Variants in ESRRG observed in about 807,000 individuals in gnomAD.
ESRRG encodes estrogen-related receptor gamma.
In ESRRG, 13 loss-of-function variants were observed where a neutral mutation model predicts 44.0. The ratio of observed to expected loss-of-function variants is 0.30; its 90% CI spans 0.19 to 0.47. The LOEUF is 0.47. ESRRG is among the 20% of genes least tolerant of loss of function. The pLI is 1.00. For synonymous variants in ESRRG, 215 were observed against 214.6 expected (o/e 1.00, Z -0.02); for missense variants, 395 against 580.6 (o/e 0.68, Z 3.29).
intron 1 of ESRRG, among the ~76,000 whole-genome samples, chr1:216,988,685 G>T (rs1478914553): frequency 2.6e-5 from 4 of 152,088 alleles, no homozygotes; most frequent in African/African-American, 9.7e-5. Context: ...ATATTTCCCT[G>T]GCTTAGATTC....
chr1:216,586,588 T>C (rs1476719234), intron 3 of ESRRG, among the ~76,000 whole-genome samples: 1 of 149,974 alleles, frequency 6.7e-6, no homozygotes, highest in Admixed American at 6.7e-5. Context: ...GGGCTTTTTT[T>C]TTTTTTTTTT....
intron 2 of ESRRG, among the ~76,000 whole-genome samples, chr1:216,934,784 T>C (rs1056770838): frequency 6.6e-6 from 1 of 152,160 alleles, no homozygotes; most frequent in Non-Finnish European, 1.5e-5. Context: ...ACCATATCCA[T>C]TGTTTTTTAA....
chr1:216,973,608 C>T (rs2072196305), intron 1 of ESRRG, among the ~76,000 whole-genome samples: 1 of 151,994 alleles, frequency 6.6e-6, no homozygotes, highest in African/African-American at 2.4e-5. Context: ...GGGTGGATCA[C>T]CTGAGGTCGG....
chr1:217,097,598 T>C (rs950906073), intron 1 of ESRRG, among the ~76,000 whole-genome samples: 48 of 152,314 alleles, frequency 3.2e-4, no homozygotes, highest in African/African-American at 1.2e-3. Context: ...CTCTCATTGA[T>C]TGTGTATTTC....
chr1:216,764,626 T>A (rs2092981185), intron 2 of ESRRG, among the ~76,000 whole-genome samples: 1 of 152,014 alleles, frequency 6.6e-6, no homozygotes, highest in African/African-American at 2.4e-5. Context: ...GCCTGACAAG[T>A]AGATGGGACT....
chr1:216,895,977 A>G (rs1403913714), intron 2 of ESRRG, among the ~76,000 whole-genome samples: 2 of 152,202 alleles, frequency 1.3e-5, no homozygotes, highest in Non-Finnish European at 2.9e-5. Context: ...GTAAAATATC[A>G]GGTTTCTCCT....
chr1:217,101,226 C>G (rs538046357), intron 1 of ESRRG, among the ~76,000 whole-genome samples: 9 of 152,290 alleles, frequency 5.9e-5, no homozygotes, highest in African/African-American at 2.2e-4. Context: ...CAGTCAAACC[C>G]TTCCTGACCA....
chr1:216,571,083 T>G (rs1333983354), intron 3 of ESRRG, among the ~76,000 whole-genome samples: 4 of 152,182 alleles, frequency 2.6e-5, no homozygotes, highest in African/African-American at 9.7e-5. Flanking sequence ...CATCAAGTAG[T>G]TTAGCCAACT....
At chr1:217,082,791 T>G (rs1000025208) in intron 1 of ESRRG, among the ~76,000 whole-genome samples, 1 of 152,194 alleles carries the variant, frequency 6.6e-6, no homozygotes, top group African/African-American at 2.4e-5. Flanking sequence ...ACTCCCCCTG[T>G]TCAATGAATT....
chr1:216,773,144 GA>G (rs2093450385), intron 2 of ESRRG, among the ~76,000 whole-genome samples: 1 of 151,946 alleles, frequency 6.6e-6, no homozygotes, highest in African/African-American at 2.4e-5. Flanking sequence ...TCAAGTAAAG[GA>G]AAAAACTGAA....
intron 1 of ESRRG, among the ~76,000 whole-genome samples, chr1:216,679,964 G>GC (rs757821641): frequency 1.1e-4 from 16 of 152,064 alleles, no homozygotes; most frequent in Non-Finnish European, 1.8e-4. Flanking sequence ...CCATAACTTG[G>GC]CAATAGGCTG....
intron 3 of ESRRG, among the ~76,000 whole-genome samples, chr1:216,589,271 A>G (rs1352709137): frequency 6.6e-6 from 1 of 152,176 alleles, no homozygotes; most frequent in South Asian, 2.1e-4. Flanking sequence ...CCGACCCACA[A>G]GTGGGCCACA....
intron 2 of ESRRG, among the ~76,000 whole-genome samples, chr1:216,939,180 C>T (rs777838855): frequency 2.0e-5 from 3 of 151,772 alleles, no homozygotes; most frequent in East Asian, 3.9e-4. Flanking sequence ...TAGGCACCAT[C>T]GAAAGACAAG....
chr1:216,897,032 G>T (rs1291454266), intron 2 of ESRRG, among the ~76,000 whole-genome samples: 1 of 152,172 alleles, frequency 6.6e-6, no homozygotes, highest in East Asian at 1.9e-4. Context: ...AGATGAAAGG[G>T]CATTTGCTGT....
At chr1:217,065,584 G>A (rs1431476250) in intron 1 of ESRRG, among the ~76,000 whole-genome samples, 1 of 152,182 alleles carries the variant, frequency 6.6e-6, no homozygotes, top group African/African-American at 2.4e-5. Flanking sequence ...ACTAAAAGGT[G>A]ACAGCCACAG....
At chr1:216,641,657 G>A (rs1242127374) in intron 3 of ESRRG, among the ~76,000 whole-genome samples, 2 of 152,144 alleles carry the variant, frequency 1.3e-5, no homozygotes, top group Non-Finnish European at 2.9e-5. Flanking sequence ...GTTCCAATTT[G>A]GATTTAAATA....
chr1:216,937,582 A>G (rs1172647032), intron 2 of ESRRG, among the ~76,000 whole-genome samples: 1 of 152,166 alleles, frequency 6.6e-6, no homozygotes, highest in Non-Finnish European at 1.5e-5. Context: ...CAGCAACAGT[A>G]TATTCTGGCT....
chr1:216,933,967 G>A (rs759920260), intron 2 of ESRRG, among the ~76,000 whole-genome samples: 27 of 152,134 alleles, frequency 1.8e-4, no homozygotes, highest in African/African-American at 2.4e-4. Context: ...CCACTGGCCC[G>A]TTCCTTGCCC....
intron 1 of ESRRG, among the ~76,000 whole-genome samples, chr1:216,701,843 AAAC>A (rs1445709118): frequency 6.6e-6 from 1 of 152,230 alleles, no homozygotes; most frequent in Non-Finnish European, 1.5e-5. Context: ...ATATAATTAA[AAAC>A]ACCATAACTG....
Sources: gnomAD v4.1 joint callset for allele counts (sites outside exome capture counted in the v4.1 genomes callset) on GRCh38, gnomAD v4.1.1 for gene constraint, MANE v1.5 for transcripts, NCBI Gene and HGNC (gene_info 2026-07-23, HGNC 2026-07-21) for gene names.